APBB2: variants seen among roughly 807,000 people sequenced by gnomAD.
The protein encoded by APBB2 is amyloid beta precursor protein binding family B member 2, also known as Fe65-like 1.
APBB2 carries 38 observed loss-of-function variants against 82.5 expected under a neutral mutation model. The ratio of observed to expected loss-of-function variants is 0.46; its 90% CI spans 0.36 to 0.60. The LOEUF (loss-of-function observed/expected upper bound fraction) is 0.60. Ranked by LOEUF, APBB2 falls within the 20% of genes least tolerant of loss-of-function variation. APBB2 has a pLI of 0.00. For missense variants in APBB2, 772 were observed against 972.3 expected (o/e 0.79, Z 2.74); for synonymous variants, 341 against 368.2 (o/e 0.93, Z 0.85).
intron 5 of APBB2, among the ~76,000 whole-genome samples, chr4:41,020,665 C>G (rs9799722): frequency 0.73 from 111,037 of 152,198 alleles, 40,766 homozygotes; most frequent in African/African-American, 0.79. Context: ...AAACTTACAA[C>G]GTTTTCAACA....
intron 11 of APBB2, chr4:40,893,013 C>T: frequency 3.2e-6 from 1 of 315,120 alleles, no homozygotes; most frequent in East Asian, 5.2e-5. Flanking sequence ...GCCCCTAAAG[C>T]TCACCCGTGA....
At chr4:41,101,854 AAGCC>A (rs2153969954) in intron 2 of APBB2, among the ~76,000 whole-genome samples, 1 of 151,600 alleles carries the variant, frequency 6.6e-6, no homozygotes, top group Admixed American at 6.6e-5. Context: ...AGCTACTCAG[AAGCC>A]TGAGGCAGGA....
chr4:40,923,877 C>T (rs1024751594), intron 10 of APBB2, among the ~76,000 whole-genome samples: 31 of 152,248 alleles, frequency 2.0e-4, no homozygotes, highest in African/African-American at 7.2e-4. Context: ...GGAAATAACA[C>T]CGTGCTTCTG....
chr4:41,017,085 A>AG (rs1810193412), intron 5 of APBB2, among the ~76,000 whole-genome samples: 1 of 152,046 alleles, frequency 6.6e-6, no homozygotes, highest in African/African-American at 2.4e-5. Context: ...TTGTAGAGGC[A>AG]GGGGTCTCAC....
intron 2 of APBB2, among the ~76,000 whole-genome samples, chr4:41,122,788 A>G (rs1444690415): frequency 1.3e-5 from 2 of 152,182 alleles, no homozygotes; most frequent in Non-Finnish European, 2.9e-5. Flanking sequence ...TTCTTTGCTC[A>G]AAGCCTTTTC....
At chr4:40,945,420 T>C (rs1788101468) in intron 6 of APBB2, among the ~76,000 whole-genome samples, 1 of 151,854 alleles carries the variant, frequency 6.6e-6, no homozygotes, top group South Asian at 2.1e-4. Context: ...TTATACACAG[T>C]GTACTGAATG....
At chr4:41,210,019 A>C (rs1778941038) in intron 1 of APBB2, among the ~76,000 whole-genome samples, 1 of 152,190 alleles carries the variant, frequency 6.6e-6, no homozygotes, top group Admixed American at 6.5e-5. Context: ...TAGGGAGTGC[A>C]CAACCAAGAT....
chr4:40,942,635 C>A (rs11729575), intron 7 of APBB2, among the ~76,000 whole-genome samples: 7,408 of 151,716 alleles, frequency 0.049, 368 homozygotes, highest in African/African-American at 0.12. Context: ...GGAGGCCGAG[C>A]AGCGGGGCTG....
intron 10 of APBB2, among the ~76,000 whole-genome samples, chr4:40,912,578 TAA>T (rs35548187): frequency 4.2e-4 from 52 of 124,672 alleles, no homozygotes; most frequent in Admixed American, 4.9e-4. Context: ...TTCCTTCTCA[TAA>T]AAAAAAAAAA....
intron 3 of APBB2, among the ~76,000 whole-genome samples, chr4:41,070,577 C>T (rs1733482569): frequency 6.6e-6 from 1 of 152,188 alleles, no homozygotes; most frequent in African/African-American, 2.4e-5. Flanking sequence ...GCTGGGACTA[C>T]AGGCGTGAGC....
chr4:41,139,965 G>C (rs1426825391), intron 2 of APBB2, among the ~76,000 whole-genome samples: 1 of 152,058 alleles, frequency 6.6e-6, no homozygotes, highest in African/African-American at 2.4e-5. Flanking sequence ...ACTAATGCAA[G>C]ACACTAATGA....
At chr4:41,198,547 G>A in intron 1 of APBB2, among the ~76,000 whole-genome samples, 23 of 152,104 alleles carry the variant, frequency 1.5e-4, no homozygotes, top group African/African-American at 5.6e-4. Flanking sequence ...GTCAACTGTG[G>A]CACCATGAGG....
At chr4:41,036,678 T>A (rs1719318174) in intron 4 of APBB2, among the ~76,000 whole-genome samples, 1 of 152,218 alleles carries the variant, frequency 6.6e-6, no homozygotes, top group Admixed American at 6.5e-5. Flanking sequence ...CAGGAAATGC[T>A]TTCCTGAGAA....
At chr4:40,881,841 A>G (rs896443112) in intron 12 of APBB2, among the ~76,000 whole-genome samples, 4 of 152,098 alleles carry the variant, frequency 2.6e-5, no homozygotes, top group Non-Finnish European at 4.4e-5. Context: ...GCCGAGACCC[A>G]TTATTTCTAA....
At chr4:41,190,805 C>CAA (rs1338050055) in intron 1 of APBB2, among the ~76,000 whole-genome samples, 1 of 152,100 alleles carries the variant, frequency 6.6e-6, no homozygotes, top group Non-Finnish European at 1.5e-5. Flanking sequence ...TTGCGCCATA[C>CAA]AAAGTAAAAC....
At position 40,987,785 on chromosome 4, in the gene APBB2, T is replaced by G. The variant is rs977632926; in HGVS notation, c.835+25798A>C. 2.6e-5 allele frequency among the ~76,000 whole-genome samples: 4 copies of G among 152,192 alleles called. No individual in the cohort carries two copies. In the East Asian group the frequency reaches 7.7e-4, roughly 29 times the overall value. ...AACTATAAATGATTCTGTGAGCTAT[T>G]AAGCCTCTCTCTAAGAATCTAGCAG... is the stretch of plus-strand genomic sequence containing the variant. On this transcript the variant is annotated intron_variant, in intron 6 of 17. Coordinates refer to ENST00000508593, the MANE Select transcript of APBB2 (RefSeq NM_004307.2).
chr4:40,852,567 G>T (rs1192068914), intron 12 of APBB2, among the ~76,000 whole-genome samples: 1 of 152,046 alleles, frequency 6.6e-6, no homozygotes, highest in Non-Finnish European at 1.5e-5. Flanking sequence ...TGGAAAAATG[G>T]CCAAATACAC....
In APBB2 at chr4:40,991,010, C is replaced by CTTTTTTTTTTTTTTTTTTT. The variant is rs1491223078; in HGVS notation, c.835+22572_835+22573insAAAAAAAAAAAAAAAAAAA. 1.2e-4 allele frequency among the ~76,000 whole-genome samples: 16 copies of CTTTTTTTTTTTTTTTTTTT among 128,710 alleles called. 1 individual carries two copies. Among genetic ancestry groups the CTTTTTTTTTTTTTTTTTTT allele is most frequent in the Admixed American group, 1.7e-4 (2 of 11,768 alleles). The allele number at this position is 128,710 out of a possible 152,430, so 84.4% of individuals were successfully genotyped here. ...TTTCTGGTCATTTTGGACTGAGTTT[C>CTTTTTTTTTTTTTTTTTTT]ATTTTTTTTTTTTTTGGAGGCAAGG... On this transcript the variant is annotated intron_variant, in intron 6 of 17. Coordinates refer to ENST00000508593, the MANE Select transcript of APBB2 (RefSeq NM_004307.2).
intron 4 of APBB2, among the ~76,000 whole-genome samples, chr4:41,047,539 T>C (rs891681972): frequency 6.6e-6 from 1 of 152,262 alleles, no homozygotes; most frequent in Admixed American, 6.5e-5. Flanking sequence ...ATGATCCCTT[T>C]CATTTCTCAC....
Sources: allele counts gnomAD v4.1 joint callset (sites outside exome capture counted in the v4.1 genomes callset), GRCh38; gene constraint gnomAD v4.1.1; transcripts MANE v1.5; gene names NCBI Gene and HGNC (gene_info 2026-07-23, HGNC 2026-07-21).